The following FUT9 variants were observed in gnomAD, a reference collection of about 807,000 sequenced individuals.
FUT9 encodes 4-galactosyl-N-acetylglucosaminide 3-alpha-L-fucosyltransferase 9.
FUT9 carries 15 observed loss-of-function variants against 29.7 expected under a neutral mutation model. The observed-to-expected ratio is 0.51, with a 90% confidence interval of 0.34 to 0.78. FUT9 has a LOEUF of 0.78. FUT9 is among the 30% of genes least tolerant of loss of function. FUT9 has a pLI of 0.01. For missense variants in FUT9, 319 were observed against 425.4 expected, an observed-to-expected ratio of 0.75 and a Z score of 2.20; for synonymous variants, 169 against 153.7, an observed-to-expected ratio of 1.10 and a Z score of -0.74.
In FUT9 at chr6:96,147,744, A is replaced by C. The variant is rs1406475118; in HGVS notation, c.-9+33617A>C. Reference sequence around the variant, plus strand: ...ATGATGAAGACCCTAGGAGTTTTTCAAAAAATCTCATACAGAGTGCTAACA... The same window carrying C: ...ATGATGAAGACCCTAGGAGTTTTTCCAAAAATCTCATACAGAGTGCTAACA... On this transcript the variant is annotated intron_variant, in intron 2 of 2. Transcript: ENST00000302103. Among the ~76,000 whole-genome samples, 3 of 151,736 alleles carry C rather than the reference A, an allele frequency of 2.0e-5. No homozygotes were observed. In the East Asian group the frequency reaches 5.8e-4, roughly 30 times the overall value.
At chr6:96,140,594 G>T (rs560031753) in intron 2 of FUT9, among the ~76,000 whole-genome samples, 2 of 152,124 alleles carry the variant, frequency 1.3e-5, no homozygotes, top group South Asian at 4.1e-4. Flanking sequence ...CACATGGCTG[G>T]GGAGGCCTTA....
intron 1 of FUT9, among the ~76,000 whole-genome samples, chr6:96,104,167 C>T (rs777651489): frequency 6.6e-6 from 1 of 152,168 alleles, no homozygotes. Context: ...TGCTTTCTAT[C>T]CAGAGCTTTC....
chr6:96,088,820 A>G (rs1161756655), intron 1 of FUT9, among the ~76,000 whole-genome samples: 7 of 132,358 alleles, frequency 5.3e-5, no homozygotes, highest in Non-Finnish European at 8.2e-5. Context: ...TCCTTGCATG[A>G]CTGGCTATTT....
intron 2 of FUT9, among the ~76,000 whole-genome samples, chr6:96,156,098 C>T (rs1044121247): frequency 1.3e-4 from 20 of 152,160 alleles, no homozygotes; most frequent in African/African-American, 4.8e-4. Context: ...GCTTCTGGTA[C>T]TCGGTGAGGT....
chr6:96,157,491 G>C (rs1193586269), intron 2 of FUT9, among the ~76,000 whole-genome samples: 2 of 152,088 alleles, frequency 1.3e-5, no homozygotes, highest in Non-Finnish European at 2.9e-5. Flanking sequence ...AATACTCCTG[G>C]ATTTGGGAGT....
At chr6:96,190,396 C>T (rs1773483686) in intron 2 of FUT9, among the ~76,000 whole-genome samples, 1 of 152,016 alleles carries the variant, frequency 6.6e-6, no homozygotes, top group Non-Finnish European at 1.5e-5. Context: ...TGGAGTTGCT[C>T]TTCTTGAGGA....
intron 1 of FUT9, among the ~76,000 whole-genome samples, chr6:96,064,514 C>T (rs77045684): frequency 0.027 from 4,099 of 152,146 alleles, 205 homozygotes; most frequent in African/African-American, 0.093. Context: ...TTAGAGTCTT[C>T]TCATTCCCAT....
chr6:96,170,275 T>A (rs549486007), intron 2 of FUT9, among the ~76,000 whole-genome samples: 2 of 152,232 alleles, frequency 1.3e-5, no homozygotes, highest in African/African-American at 4.8e-5. Flanking sequence ...GCACAGTAGG[T>A]CAAATCGATA....
chr6:96,095,493 C>A (rs550109178), intron 1 of FUT9, among the ~76,000 whole-genome samples: 2 of 152,124 alleles, frequency 1.3e-5, no homozygotes, highest in African/African-American at 2.4e-5. Context: ...TGAATTCAGA[C>A]AAAGTATCAG....
At chr6:96,029,868 A>G (rs1275617410) in intron 1 of FUT9, among the ~76,000 whole-genome samples, 1 of 151,588 alleles carries the variant, frequency 6.6e-6, no homozygotes, top group Non-Finnish European at 1.5e-5. Flanking sequence ...AGGAAAGAGC[A>G]AAATGAAGGT....
chr6:96,113,549 T>A (rs1393148811), intron 1 of FUT9, among the ~76,000 whole-genome samples: 1 of 148,308 alleles, frequency 6.7e-6, no homozygotes, highest in African/African-American at 2.5e-5. Flanking sequence ...ATCAATAACA[T>A]TTTTGTAAAA....
At chr6:96,026,001 C>G (rs774907472) in intron 1 of FUT9, among the ~76,000 whole-genome samples, 3 of 151,756 alleles carry the variant, frequency 2.0e-5, no homozygotes, top group Middle Eastern at 3.4e-3. Flanking sequence ...ACAAAAAGGC[C>G]CTCAATTTAA....
chr6:96,076,285 A>T (rs377227112), intron 1 of FUT9, among the ~76,000 whole-genome samples: 3 of 152,352 alleles, frequency 2.0e-5, no homozygotes, highest in African/African-American at 7.2e-5. Context: ...GGAAATATTA[A>T]TAGTGATTAT....
chr6:96,022,960 A>G (rs1770100912), intron 1 of FUT9, among the ~76,000 whole-genome samples: 2 of 151,906 alleles, frequency 1.3e-5, no homozygotes, highest in South Asian at 2.1e-4. Flanking sequence ...TGGGGCTCCA[A>G]TTAGAAAAAT....
chr6:96,101,080 A>G (rs1771578312), intron 1 of FUT9, among the ~76,000 whole-genome samples: 1 of 152,214 alleles, frequency 6.6e-6, no homozygotes, highest in Non-Finnish European at 1.5e-5. Context: ...ACTACTTAAT[A>G]TTTTTAACCT....
chr6:96,125,037 C>T (rs1772107448), intron 2 of FUT9, among the ~76,000 whole-genome samples: 1 of 152,116 alleles, frequency 6.6e-6, no homozygotes, highest in East Asian at 1.9e-4. Flanking sequence ...CTATTTTTAC[C>T]ATTTGCTGGC....
At chr6:96,184,087 T>C (rs1010403876) in intron 2 of FUT9, among the ~76,000 whole-genome samples, 1 of 152,042 alleles carries the variant, frequency 6.6e-6, no homozygotes, top group Non-Finnish European at 1.5e-5. Context: ...CTTTGTTTTG[T>C]TGTTGGTAAT....
chr6:96,024,015 A>C (rs1002769296), intron 1 of FUT9, among the ~76,000 whole-genome samples: 11 of 151,884 alleles, frequency 7.2e-5, no homozygotes, highest in Admixed American at 1.3e-4. Context: ...TAATATATTA[A>C]TTACTATACA....
At chr6:96,190,715 T>A (rs1236390203) in intron 2 of FUT9, among the ~76,000 whole-genome samples, 1 of 152,234 alleles carries the variant, frequency 6.6e-6, no homozygotes, top group Admixed American at 6.5e-5. Context: ...CTGAAGCTTG[T>A]GCATGCATCA....
Sources: gnomAD v4.1 joint callset for allele counts (sites outside exome capture counted in the v4.1 genomes callset) on GRCh38, gnomAD v4.1.1 for gene constraint, MANE v1.5 for transcripts, NCBI Gene and HGNC (gene_info 2026-07-23, HGNC 2026-07-21) for gene names.